The following DSCAML1 variants were observed in gnomAD, a reference collection of about 807,000 sequenced individuals.
The protein encoded by DSCAML1 is cell adhesion molecule DSCAML1.
DSCAML1 carries 38 observed loss-of-function variants against 200.5 expected under a neutral mutation model. The observed-to-expected ratio is 0.19, with a 90% confidence interval of 0.15 to 0.25. DSCAML1 has a LOEUF of 0.25. Among genes scored for constraint, DSCAML1 ranks in the 10% least tolerant of loss-of-function variants. DSCAML1 has a pLI of 1.00. For synonymous variants in DSCAML1, 1,215 were observed against 1,165.0 expected, an observed-to-expected ratio of 1.04 and a Z score of -0.87; for missense variants, 2,223 against 2,858.8, an observed-to-expected ratio of 0.78 and a Z score of 5.07.
rs1408400453 is a variant in DSCAML1, at chr11:117,444,038, G to A, written c.3710C>T (p.Ala1237Val). ...FCSSPGSGQP[A>V]PSEYETSPEQ... ...TGGACTCGTCTCGTACTCGCTGGGA[G>A]CCTGCGGGGCAGAGGCAAAGAGGCT... The change falls in exon 21 of 33, where the codon GCT becomes GTT. Residue 1237 changes from alanine (A) to valine (V), a missense_variant and splice_region_variant. Transcript: ENST00000651296. 1.2e-6 allele frequency: 2 copies of A among 1,610,396 alleles called. No individual in the cohort carries two copies. Among genetic ancestry groups the A allele is most frequent in the Non-Finnish European group, 1.7e-6 (2 of 1,177,928 alleles).
intron 3 of DSCAML1, among the ~76,000 whole-genome samples, chr11:117,671,361 T>C (rs1187348211): frequency 6.6e-6 from 1 of 152,202 alleles, no homozygotes; most frequent in Non-Finnish European, 1.5e-5. Flanking sequence ...TCCATGGATT[T>C]CAGTGGCCAC....
At chr11:117,509,856 G>T (rs1024773495) in intron 8 of DSCAML1, among the ~76,000 whole-genome samples, 2 of 152,192 alleles carry the variant, frequency 1.3e-5, no homozygotes, top group South Asian at 4.1e-4. Context: ...GATGACCTGG[G>T]CCCTCTTTAC....
At chr11:117,474,815 C>T (rs928110272) in intron 14 of DSCAML1, among the ~76,000 whole-genome samples, 3 of 149,538 alleles carry the variant, frequency 2.0e-5, no homozygotes, top group African/African-American at 5.0e-5. Flanking sequence ...AGTGCAGTGG[C>T]GCGATCTCGG....
chr11:117,798,126 A>G (rs1017870575), upstream of DSCAML1, among the ~76,000 whole-genome samples: 2 of 152,232 alleles, frequency 1.3e-5, no homozygotes, highest in Admixed American at 6.5e-5. Flanking sequence ...AAGAGGATAC[A>G]TAGAACCCAG....
chr11:117,810,430 CTCTGTGCCCCAATCCCTTATT>C (rs917812531), intron 1 of DSCAML1, among the ~76,000 whole-genome samples: 15 of 152,078 alleles, frequency 9.9e-5, no homozygotes, highest in Non-Finnish European at 2.2e-4. Flanking sequence ...GACCTCTTAT[CTCTGTGCCCCAATCCCTTATT>C]TCCGTGCCCC....
At chr11:117,713,251 A>T (rs1239886339) in intron 3 of DSCAML1, among the ~76,000 whole-genome samples, 3 of 152,198 alleles carry the variant, frequency 2.0e-5, no homozygotes, top group Non-Finnish European at 4.4e-5. Flanking sequence ...AAGTAGCTGG[A>T]ATTACAGGCG....
At chr11:117,468,915 G>C (rs1416797382) in intron 16 of DSCAML1, among the ~76,000 whole-genome samples, 3 of 152,244 alleles carry the variant, frequency 2.0e-5, no homozygotes, top group Non-Finnish European at 2.9e-5. Flanking sequence ...CGGAGAGTCA[G>C]AAAGTCACCG....
At chr11:117,718,686 C>CCCTTA (rs1565892873) in intron 3 of DSCAML1, among the ~76,000 whole-genome samples, 4 of 134,524 alleles carry the variant, frequency 3.0e-5, no homozygotes, top group Admixed American at 1.6e-4. Flanking sequence ...CCCCCCCCAT[C>CCCTTA]ATATGAGACC....
chr11:117,671,804 A>G (rs2053113087), intron 3 of DSCAML1, among the ~76,000 whole-genome samples: 4 of 152,188 alleles, frequency 2.6e-5, no homozygotes, highest in African/African-American at 9.7e-5. Flanking sequence ...ATAGCATTGC[A>G]GGTGTTTAGG....
At chr11:117,743,980 C>T (rs986785266) in intron 3 of DSCAML1, among the ~76,000 whole-genome samples, 9 of 152,148 alleles carry the variant, frequency 5.9e-5, no homozygotes, top group Admixed American at 3.3e-4. Flanking sequence ...CTGGACAACA[C>T]GTCTAAATAC....
chr11:117,689,383 T>C (rs1352513688), intron 3 of DSCAML1, among the ~76,000 whole-genome samples: 2 of 152,142 alleles, frequency 1.3e-5, no homozygotes, highest in Non-Finnish European at 2.9e-5. Flanking sequence ...CCCTGAGAAA[T>C]CAGAGCCTGT....
intron 29 of DSCAML1, 44 bp from the exon 30 acceptor site, chr11:117,432,548 T>G: frequency 6.3e-7 from 1 of 1,580,844 alleles, no homozygotes; most frequent in Non-Finnish European, 8.6e-7. Flanking sequence ...TACAATTGTT[T>G]TTTAAAGCTC....
chr11:117,587,533 C>T (rs1408951182), intron 3 of DSCAML1, among the ~76,000 whole-genome samples: 1 of 152,048 alleles, frequency 6.6e-6, no homozygotes, highest in Non-Finnish European at 1.5e-5. Flanking sequence ...CTAGGGAGCC[C>T]AAGACTCCAG....
chr11:117,750,186 A>G (rs2054583836), intron 3 of DSCAML1, among the ~76,000 whole-genome samples: 1 of 152,150 alleles, frequency 6.6e-6, no homozygotes, highest in South Asian at 2.1e-4. Flanking sequence ...TCCAGCAAGG[A>G]GTTAAGGGCA....
At chr11:117,753,722 G>A (rs145560320) in intron 3 of DSCAML1, among the ~76,000 whole-genome samples, 299 of 152,316 alleles carry the variant, frequency 2.0e-3, no homozygotes, top group African/African-American at 6.2e-3. Flanking sequence ...GACTTAGAAG[G>A]GCTTGCCCCC....
chr11:117,461,662 T>C (rs1386369804), intron 17 of DSCAML1, 66 bp from the exon 18 acceptor site: 26 of 1,526,000 alleles, frequency 1.7e-5, no homozygotes, highest in African/African-American at 1.6e-4. Context: ...GTACAGCAAT[T>C]GTGTCCCAGG....
chr11:117,770,136 A>C (rs2055010857), intron 3 of DSCAML1, among the ~76,000 whole-genome samples: 1 of 152,206 alleles, frequency 6.6e-6, no homozygotes, highest in Non-Finnish European at 1.5e-5. Context: ...GGCCATCAGC[A>C]GAAAGAGTGG....
intron 19 of DSCAML1, among the ~76,000 whole-genome samples, chr11:117,456,569 A>G (rs1285708890): frequency 6.6e-6 from 1 of 151,786 alleles, no homozygotes; most frequent in Non-Finnish European, 1.5e-5. Context: ...GTTAAGTCAT[A>G]TTATGACTGC....
At chr11:117,739,214 C>T (rs931203269) in intron 3 of DSCAML1, among the ~76,000 whole-genome samples, 1 of 152,198 alleles carries the variant, frequency 6.6e-6, no homozygotes, top group African/African-American at 2.4e-5. Flanking sequence ...GACTTGACTC[C>T]TGGTCTCCTG....
Sources: allele counts gnomAD v4.1 joint callset (sites outside exome capture counted in the v4.1 genomes callset), GRCh38; gene constraint gnomAD v4.1.1; transcripts MANE v1.5; gene names NCBI Gene and HGNC (gene_info 2026-07-23, HGNC 2026-07-21).